The following NELFB variants were observed in gnomAD, a reference collection of about 807,000 sequenced individuals.
NELFB encodes the protein negative elongation factor complex member B.
In NELFB, 34 loss-of-function variants were observed where a neutral mutation model predicts 60.2. The ratio of observed to expected loss-of-function variants is 0.56; its 90% CI spans 0.43 to 0.75. NELFB has a LOEUF of 0.75. Among genes scored for constraint, NELFB ranks in the 30% least tolerant of loss-of-function variants. The pLI is 0.00. For missense variants in NELFB, 770 were observed against 831.6 expected, an observed-to-expected ratio of 0.93 and a Z score of 0.91; for synonymous variants, 459 against 382.1, an observed-to-expected ratio of 1.20 and a Z score of -2.35.
At position 137,257,039 on chromosome 9, in the gene NELFB, C is replaced by A. The variant is rs374202580; in HGVS notation, c.726C>A (p.Thr242=). 3.7e-6 allele frequency: 6 copies of A among 1,611,640 alleles called. No homozygotes were observed. Among genetic ancestry groups the A allele is most frequent in the African/African-American group, 2.7e-5 (2 of 74,926 alleles). ...ACTTTTTCAGTCCTTCCCCCAAGAC[C>A]AGGCGCCAGGGCGAGGTGAGGGGAC... is the stretch of plus-strand genomic sequence containing the variant. Residue 242 remains threonine (T), a synonymous_variant, in exon 4 of 13, where the codon ACC becomes ACA. Coordinates refer to ENST00000343053, the MANE Select transcript of NELFB (RefSeq NM_015456.5).
intron 3 of NELFB, 114 bp downstream of exon 3, chr9:137,256,542 C>T (rs1564441308): frequency 6.5e-6 from 6 of 922,372 alleles, no homozygotes; most frequent in South Asian, 4.3e-5. Context: ...GCTGCCTGCC[C>T]AAGTGCTGTC....
rs1371838929 is a variant in NELFB at position 137,269,210 on chromosome 9, C to T, written c.1489+1864C>T. Among the ~76,000 whole-genome samples the T allele has an allele frequency of 6.6e-6, 1 of 152,124 alleles. No individual in the cohort carries two copies. Among genetic ancestry groups the T allele is most frequent in the African/African-American group, 2.4e-5 (1 of 41,412 alleles). ...GGGTATTAACCTGTCCCCAGCCATC[C>T]TCTCACTGAGCTTGGGTTGCCTGGG... On this transcript the variant is annotated intron_variant, in intron 10 of 12. Coordinates refer to ENST00000343053, the MANE Select transcript of NELFB (RefSeq NM_015456.5). This position sits in a 1 kb window ranked among gnomAD's most constrained non-coding sequence, Gnocchi z 5.3.
rs1277778571 is a variant in NELFB, at chr9:137,269,762, G to T, written c.1490-2319G>T. 2.0e-5 allele frequency among the ~76,000 whole-genome samples: 3 copies of T among 152,218 alleles called. No individual in the cohort carries two copies. Among genetic ancestry groups the T allele is most frequent in the Middle Eastern group, 3.2e-3 (1 of 316 alleles). ...TTCGCACAATGACAGACTCACCTGG[G>T]AGGCCTTCCGTGCGCTTCTGTTTCT... On this transcript the variant is annotated intron_variant, in intron 10 of 12. Transcript: ENST00000343053. The surrounding 1 kb of genome is among the most constrained non-coding windows in gnomAD (Gnocchi z 5.3).
chr9:137,267,714 G>A (rs1053214596), intron 10 of NELFB, among the ~76,000 whole-genome samples: 5 of 151,916 alleles, frequency 3.3e-5, no homozygotes, highest in Non-Finnish European at 7.4e-5. Flanking sequence ...GGCTGGTCTC[G>A]AACTCCTGAC....
chr9:137,263,608 C>T (rs1239437389), intron 5 of NELFB, among the ~76,000 whole-genome samples: 1 of 151,586 alleles, frequency 6.6e-6, no homozygotes, highest in Non-Finnish European at 1.5e-5. Context: ...TTCCTGGGCT[C>T]TGGTCTTTCT....
intron 7 of NELFB, 144 bp from the exon 8 acceptor site, chr9:137,266,186 AC>A: frequency 1.3e-6 from 1 of 776,336 alleles, no homozygotes; most frequent in South Asian, 1.7e-5. Flanking sequence ...ACTGCGTTTC[AC>A]CCCGTGTGTG....
Position 137,256,985 on chromosome 9 carries a change from C to T in NELFB, c.672C>T (p.Leu224=), listed in dbSNP as rs770658180. 5.6e-6 allele frequency: 9 copies of T among 1,614,092 alleles called. No individual in the cohort carries two copies. The highest frequency in any genetic ancestry group is 1.1e-5 in the South Asian group (1 of 91,088). ...ACATCCTGGAGAAGGAGAGCGCTCT[C>T]TTCAGTACAGAGCTCTCTGTCCTGC... Residue 224 remains leucine (L), a synonymous_variant, in exon 4 of 13, where the codon CTC becomes CTT. Coordinates refer to ENST00000343053, the MANE Select transcript of NELFB (RefSeq NM_015456.5).
At chr9:137,255,827 G>A (rs903350217) in intron 1 of NELFB, 80 bp from the exon 2 acceptor site, 26 of 1,568,500 alleles carry the variant, frequency 1.7e-5, no homozygotes, top group Non-Finnish European at 2.1e-5. Flanking sequence ...ACACCTGGGT[G>A]CGTGCCTCCC....
intron 10 of NELFB, among the ~76,000 whole-genome samples, chr9:137,268,286 T>C (rs1309525300): frequency 1.3e-5 from 2 of 151,996 alleles, no homozygotes; most frequent in Admixed American, 6.6e-5. Flanking sequence ...GACTGAGTAG[T>C]GTAGAAAGGG....
At chr9:137,272,349 C>T in intron 11 of NELFB, 127 bp downstream of exon 11, 1 of 1,494,582 alleles carries the variant, frequency 6.7e-7, no homozygotes, top group East Asian at 2.3e-5. Context: ...GGCACCAGGG[C>T]TCGCATGTGG....
intron 6 of NELFB, among the ~76,000 whole-genome samples, chr9:137,265,279 G>A (rs1026195397): frequency 2.6e-5 from 4 of 151,548 alleles, no homozygotes; most frequent in African/African-American, 9.7e-5. Context: ...CCAAAGTGCT[G>A]GGATGACAGG....
intron 6 of NELFB, 26 bp from the exon 7 acceptor site, chr9:137,265,851 T>C (rs1318201088): frequency 6.5e-7 from 1 of 1,527,306 alleles, no homozygotes. Flanking sequence ...AGGCGTCGCA[T>C]TAATGCCAGG....
intron 4 of NELFB, 42 bp downstream of exon 4, chr9:137,257,096 G>T: frequency 6.4e-7 from 1 of 1,554,662 alleles, no homozygotes. Flanking sequence ...ACCTCTTGGG[G>T]ATGCCACGGC....
In NELFB at chr9:137,256,312, C is replaced by T. The variant is rs986772097; in HGVS notation, c.411-17C>T. ...TTTGGCGCATCGCTGCACCATCAAT[C>T]CTGTGAGTTGTTCCAGGTACAAGAA... On this transcript the variant is annotated splice_polypyrimidine_tract_variant and intron_variant, in intron 2 of 12. Coordinates refer to ENST00000343053, the MANE Select transcript of NELFB (RefSeq NM_015456.5). The T allele has an allele frequency of 2.5e-6, 4 of 1,610,416 alleles. No homozygotes were observed. The highest frequency in any genetic ancestry group is 3.4e-6 in the Non-Finnish European group (4 of 1,177,062).
At chr9:137,272,258 C>G (rs1435101789) in intron 11 of NELFB, 36 bp downstream of exon 11, 1 of 1,608,770 alleles carries the variant, frequency 6.2e-7, no homozygotes, top group Non-Finnish European at 8.5e-7. Flanking sequence ...CCGCTCTGTC[C>G]TCTCAGCTCT....
rs1442729656 is a variant in NELFB, at chr9:137,272,938, A to AAG, written c.*10_*11insAG. ...CCCTGCCCCGCTCTGAGGGCCCTCC[A>AAG]GACCTGCTCGGGTGCTGGGGCCATG... On this transcript the variant is annotated 3_prime_UTR_variant, in exon 13 of 13. Transcript: ENST00000343053. 3.3e-6 allele frequency: 5 copies of AAG among 1,505,328 alleles called. No homozygotes were observed. The South Asian group carries it at 6.3e-5, about 19-fold the overall frequency. 93.2% of individuals were successfully genotyped at this position (1,505,328 alleles called of 1,614,324 possible).
chr9:137,267,089 A>G lies in NELFB; in HGVS notation c.1382+3A>G. The G allele has an allele frequency of 6.2e-7, 1 of 1,613,914 alleles. No individual in the cohort carries two copies. Among genetic ancestry groups the G allele is most frequent in the Non-Finnish European group, 8.5e-7 (1 of 1,179,978 alleles). ...ACACTTCCCGAAAGCTTCACTAAGT[A>G]CGGGCTGTAGGGCCATGGTGCAGGG... On this transcript the variant is annotated splice_donor_region_variant and intron_variant, in intron 9 of 12. Transcript: ENST00000343053.
intron 3 of NELFB, among the ~76,000 whole-genome samples, 192 bp from the exon 4 acceptor site, chr9:137,256,632 C>T (rs374346290): frequency 2.1e-4 from 32 of 152,244 alleles, no homozygotes; most frequent in African/African-American, 5.3e-4. Flanking sequence ...GGTGTGGGGC[C>T]CCTCCTGGGA....
Position 137,272,503 on chromosome 9 carries a change from C to G in NELFB, c.1632-4C>G. On this transcript the variant is annotated splice_region_variant and splice_polypyrimidine_tract_variant and intron_variant, in intron 11 of 12. Transcript: ENST00000343053. The stretch of plus-strand genomic sequence containing the variant: ...CTGCCCCAGCCCTGCACGGCCTTTT[C>G]CAGGAAGGAGAACGTGCACCGGCAC... 1 of 1,610,824 alleles carries G rather than the reference C, an allele frequency of 6.2e-7. No homozygotes were observed. Among genetic ancestry groups the G allele is most frequent in the Non-Finnish European group, 8.5e-7 (1 of 1,178,874 alleles).
Sources: allele counts gnomAD v4.1 joint callset (sites outside exome capture counted in the v4.1 genomes callset), GRCh38; gene constraint gnomAD v4.1.1; non-coding constraint Gnocchi (gnomAD v3.1); transcripts MANE v1.5; gene names NCBI Gene and HGNC (gene_info 2026-07-23, HGNC 2026-07-21).